The following CCSER1 variants were observed in gnomAD, a reference collection of about 807,000 sequenced individuals.
CCSER1 encodes coiled-coil serine rich protein 1, also known as serine-rich coiled-coil domain-containing protein 1.
Under a neutral mutation model 82.0 loss-of-function variants are expected in CCSER1, and 41 were observed. The ratio of observed to expected loss-of-function variants is 0.50; its 90% CI spans 0.39 to 0.65. The LOEUF is 0.65. Ranked by LOEUF, CCSER1 falls within the 30% of genes least tolerant of loss-of-function variation. CCSER1 has a pLI of 0.00. For synonymous variants in CCSER1, 414 were observed against 383.9 expected (o/e 1.08, Z -0.92); for missense variants, 1,119 against 1,064.2 (o/e 1.05, Z -0.72).
At chr4:91,528,416 A>G (rs916355557) in intron 10 of CCSER1, among the ~76,000 whole-genome samples, 18 of 152,186 alleles carry the variant, frequency 1.2e-4, no homozygotes, top group Non-Finnish European at 2.2e-4. Flanking sequence ...AATAACCAAC[A>G]CACAAATAAA....
chr4:90,233,048 T>C (rs1298937633), intron 1 of CCSER1, among the ~76,000 whole-genome samples: 1 of 151,954 alleles, frequency 6.6e-6, no homozygotes, highest in East Asian at 1.9e-4. Flanking sequence ...AGTTCAACCA[T>C]TGTGGAAGTC....
chr4:90,514,688 G>A (rs1170328765), intron 5 of CCSER1, among the ~76,000 whole-genome samples: 8 of 151,958 alleles, frequency 5.3e-5, no homozygotes, highest in East Asian at 1.9e-4. Context: ...CGCAGGAGGC[G>A]GAGGTTACAG....
intron 8 of CCSER1, among the ~76,000 whole-genome samples, chr4:90,827,858 A>C (rs1760660362): frequency 6.6e-6 from 1 of 152,152 alleles, no homozygotes; most frequent in Non-Finnish European, 1.5e-5. Context: ...TGCAGGAAAG[A>C]CAACTGAATA....
intron 7 of CCSER1, among the ~76,000 whole-genome samples, chr4:90,728,740 C>T (rs570671608): frequency 3.3e-5 from 5 of 152,122 alleles, no homozygotes; most frequent in East Asian, 1.9e-4. Context: ...CTTAACTTTA[C>T]GTGACCATAG....
intron 8 of CCSER1, among the ~76,000 whole-genome samples, chr4:90,907,109 A>G (rs546810738): frequency 6.6e-6 from 1 of 152,278 alleles, no homozygotes; most frequent in African/African-American, 2.4e-5. Flanking sequence ...TTGCTGACAT[A>G]AAGGGAAAAT....
chr4:90,872,277 C>T (rs1356886473), intron 8 of CCSER1, among the ~76,000 whole-genome samples: 1 of 151,632 alleles, frequency 6.6e-6, no homozygotes. Flanking sequence ...CTTCTTCCCA[C>T]CTTCTATCCT....
intron 1 of CCSER1, among the ~76,000 whole-genome samples, chr4:90,261,490 T>TCTGTGGGTTAC (rs1560898577): frequency 6.6e-6 from 1 of 152,196 alleles, no homozygotes; most frequent in Non-Finnish European, 1.5e-5. Flanking sequence ...TAGCTTTTCC[T>TCTGTGGGTTAC]CTGTGGGTTA....
At chr4:91,113,706 G>C (rs548996234) in intron 10 of CCSER1, among the ~76,000 whole-genome samples, 36 of 152,068 alleles carry the variant, frequency 2.4e-4, no homozygotes, top group Non-Finnish European at 1.6e-4. Flanking sequence ...CAGTGACTTT[G>C]TTTCTATAAG....
chr4:91,168,570 TGAG>T (rs1394228177), intron 10 of CCSER1, among the ~76,000 whole-genome samples: 7 of 150,266 alleles, frequency 4.7e-5, no homozygotes, highest in Non-Finnish European at 8.9e-5. Flanking sequence ...ATCTGGGAAT[TGAG>T]GAGCGCCTCT....
chr4:91,142,863 G>T (rs1360149531), intron 10 of CCSER1, among the ~76,000 whole-genome samples: 1 of 152,042 alleles, frequency 6.6e-6, no homozygotes, highest in Non-Finnish European at 1.5e-5. Flanking sequence ...CCAGCACCAT[G>T]CTATTTTGGT....
At chr4:90,294,262 A>C (rs533540785) in intron 1 of CCSER1, among the ~76,000 whole-genome samples, 1 of 152,188 alleles carries the variant, frequency 6.6e-6, no homozygotes, top group East Asian at 1.9e-4. Flanking sequence ...CTGTAATCCC[A>C]GCTCTTAGGG....
At chr4:91,546,600 CT>C (rs1198932077) in intron 10 of CCSER1, among the ~76,000 whole-genome samples, 1 of 151,940 alleles carries the variant, frequency 6.6e-6, no homozygotes, top group East Asian at 1.9e-4. Context: ...TCTTCTATTT[CT>C]AATTTTGGTA....
At chr4:90,167,795 G>A (rs1234413792) in intron 1 of CCSER1, among the ~76,000 whole-genome samples, 6 of 152,032 alleles carry the variant, frequency 3.9e-5, no homozygotes, top group Non-Finnish European at 5.9e-5. Context: ...CCCTACAAAG[G>A]ACATGAACTC....
At chr4:90,256,368 T>C (rs72877762) in intron 1 of CCSER1, among the ~76,000 whole-genome samples, 6,823 of 152,248 alleles carry the variant, frequency 0.045, 397 homozygotes, top group African/African-American at 0.13. Flanking sequence ...TCATTTAATC[T>C]ATGGTAAAAT....
chr4:91,605,147 G>T lies in CCSER1; in HGVS notation c.*6090G>T, dbSNP rs975034761. ...GAATACAGTAGTATAATTTTTTGTG[G>T]CTCTTGATTTCCTAAGAAAAATAGT... On this transcript the variant is annotated 3_prime_UTR_variant, in exon 11 of 11. Coordinates refer to ENST00000509176, the MANE Select transcript of CCSER1 (RefSeq NM_001145065.2). 1 of 151,800 alleles carries T rather than the reference G, an allele frequency of 6.6e-6. No individual in the cohort carries two copies. The highest frequency in any genetic ancestry group is 2.4e-5 in the African/African-American group (1 of 41,370). 9.4% of individuals were successfully genotyped at this position (151,800 alleles called of 1,614,324 possible).
At chr4:91,226,880 T>G (rs1159304611) in intron 10 of CCSER1, among the ~76,000 whole-genome samples, 1 of 151,852 alleles carries the variant, frequency 6.6e-6, no homozygotes, top group Non-Finnish European at 1.5e-5. Context: ...CAATAGTTAC[T>G]AGCCATGTGA....
At chr4:90,442,816 C>T (rs1760082644) in intron 4 of CCSER1, among the ~76,000 whole-genome samples, 1 of 152,108 alleles carries the variant, frequency 6.6e-6, no homozygotes, top group Admixed American at 6.5e-5. Context: ...ATTTTATCCT[C>T]CTGGGAGGGA....
At chr4:91,488,289 T>C (rs78330206) in intron 10 of CCSER1, among the ~76,000 whole-genome samples, 31,317 of 152,214 alleles carry the variant, frequency 0.21, 4,529 homozygotes, top group African/African-American at 0.41. Context: ...TATGTGATTT[T>C]TTAAAATCAA....
intron 10 of CCSER1, chr4:91,129,797 G>A (rs1727840146): frequency 6.6e-6 from 1 of 151,946 alleles, no homozygotes; most frequent in South Asian, 2.1e-4. Flanking sequence ...GTAATATGCT[G>A]GTGTTTACCT....
Sources: gnomAD v4.1 joint callset for allele counts (sites outside exome capture counted in the v4.1 genomes callset) on GRCh38, gnomAD v4.1.1 for gene constraint, MANE v1.5 for transcripts, NCBI Gene and HGNC (gene_info 2026-07-23, HGNC 2026-07-21) for gene names.